MYRIP: variants seen among roughly 807,000 people sequenced by gnomAD.
MYRIP encodes the protein myosin VIIA and Rab interacting protein.
MYRIP carries 49 observed loss-of-function variants against 98.0 expected under a neutral mutation model. The observed-to-expected ratio is 0.50, with a 90% CI of 0.40 to 0.63. The LOEUF is 0.63. Among genes scored for constraint, MYRIP ranks in the 30% least tolerant of loss-of-function variants. The probability of loss-of-function intolerance (pLI) is 0.00; values close to 1 mark genes in which losing one functional copy is unlikely to be tolerated. For synonymous variants in MYRIP, 404 were observed against 409.5 expected, an observed-to-expected ratio of 0.99 and a Z score of 0.16; for missense variants, 1,004 against 1,058.2, an observed-to-expected ratio of 0.95 and a Z score of 0.71.
At chr3:40,049,769 G>A (rs925197409) in intron 3 of MYRIP, among the ~76,000 whole-genome samples, 4 of 152,162 alleles carry the variant, frequency 2.6e-5, no homozygotes, top group Non-Finnish European at 1.5e-5. Flanking sequence ...GGTTGTGAAT[G>A]CAAAGGAAAA....
Position 40,150,985 on chromosome 3 carries a change from G to A in MYRIP, c.333-63G>A, listed in dbSNP as rs1950106200. The A allele has an allele frequency of 2.8e-6, 4 of 1,404,196 alleles. 1 individual carries two copies. The highest frequency in any genetic ancestry group is 3.8e-6 in the Non-Finnish European group (4 of 1,046,376). The allele number at this position is 1,404,196 out of a possible 1,614,324, so 87.0% of individuals were successfully genotyped here. On this transcript the variant is annotated intron_variant, in intron 3 of 16. Coordinates refer to ENST00000302541, the MANE Select transcript of MYRIP (RefSeq NM_015460.4). ...ATGGATGGAGCTGTGAAGCATTGCA[G>A]CAGTTTTGCAATTCACCATTTAATA...
At chr3:39,976,366 A>G (rs1488323836) in intron 2 of MYRIP, among the ~76,000 whole-genome samples, 1 of 152,222 alleles carries the variant, frequency 6.6e-6, no homozygotes, top group Non-Finnish European at 1.5e-5. Flanking sequence ...CACCAGTTAG[A>G]ATGGCGATCA....
At position 40,069,417 on chromosome 3, in the gene MYRIP, A is replaced by C. The variant is rs549885149; in HGVS notation, c.332+25146A>C. ...ATACTTTTTTTTTTTTTTGCTTTTT[A>C]AAGTGTGATATAATATACATAACAT... is the stretch of plus-strand genomic sequence containing the variant. On this transcript the variant is annotated intron_variant, in intron 3 of 16. Coordinates refer to ENST00000302541, the MANE Select transcript of MYRIP (RefSeq NM_015460.4). Among the ~76,000 whole-genome samples, 6 of 148,670 alleles carry C rather than the reference A, an allele frequency of 4.0e-5. 1 individual carries two copies. Among genetic ancestry groups the C allele is most frequent in the African/African-American group, 1.5e-4 (6 of 40,352 alleles).
chr3:40,161,552 T>A (rs1950396018), intron 4 of MYRIP, among the ~76,000 whole-genome samples: 1 of 152,162 alleles, frequency 6.6e-6, no homozygotes, highest in African/African-American at 2.4e-5. Context: ...TGGTCTTGCA[T>A]CTTATCCCTC....
At chr3:40,098,740 T>C (rs903494640) in intron 3 of MYRIP, among the ~76,000 whole-genome samples, 1 of 135,188 alleles carries the variant, frequency 7.4e-6, no homozygotes, top group Non-Finnish European at 1.6e-5. Context: ...GTCTCTCTCA[T>C]TGTGTGTGTG....
chr3:40,113,130 CAA>C (rs1949194929), intron 3 of MYRIP, among the ~76,000 whole-genome samples: 1 of 152,142 alleles, frequency 6.6e-6, no homozygotes, highest in African/African-American at 2.4e-5. Context: ...CAGAACAATG[CAA>C]AAGAAAATAA....
intron 1 of MYRIP, among the ~76,000 whole-genome samples, chr3:39,824,167 T>A (rs1438911963): frequency 2.0e-5 from 3 of 152,228 alleles, no homozygotes. Flanking sequence ...GTTGTAGATA[T>A]GTGGATTAAT....
intron 3 of MYRIP, among the ~76,000 whole-genome samples, chr3:40,076,589 G>T (rs933247829): frequency 2.6e-5 from 4 of 152,356 alleles, no homozygotes; most frequent in Non-Finnish European, 5.9e-5. Context: ...CTCTGAGAAG[G>T]GGAGGAGAGC....
At position 40,188,096 on chromosome 3, in the gene MYRIP, C is replaced by A. The variant is rs563489707; in HGVS notation, c.1028-1730C>A. ...AAAATAAAAATAACTCGATGTCCTG[C>A]CAGTCTGAGCTGCAGTCAGGCAGTG... On this transcript the variant is annotated intron_variant, in intron 9 of 16. Transcript: ENST00000302541. Among the ~76,000 whole-genome samples the A allele has an allele frequency of 2.0e-5, 3 of 152,298 alleles. No individual in the cohort carries two copies. In the East Asian group the frequency reaches 5.8e-4, roughly 29 times the overall value.
chr3:40,173,048 G>C, intron 8 of MYRIP: 1 of 152,192 alleles, frequency 6.6e-6, no homozygotes. Context: ...CGTGAACAGA[G>C]AGGTATGGGA....
intron 1 of MYRIP, among the ~76,000 whole-genome samples, chr3:39,855,621 C>T (rs1004148222): frequency 4.6e-5 from 7 of 152,068 alleles, no homozygotes; most frequent in Non-Finnish European, 1.5e-5. Context: ...GGGCAAGAGG[C>T]TGGTAGCTGG....
chr3:39,816,077 T>C lies in MYRIP; in HGVS notation c.-31+6161T>C, dbSNP rs1249160632. Among the ~76,000 whole-genome samples the C allele has an allele frequency of 2.2e-5, 3 of 139,056 alleles. No individual in the cohort carries two copies. The Admixed American group carries it at 2.2e-4, about 10-fold the overall frequency. The allele number at this position is 139,056 out of a possible 152,430, so 91.2% of individuals were successfully genotyped here. A position where few individuals can be genotyped will look rare whatever the true frequency, so the allele number is the denominator to read the frequency against. On this transcript the variant is annotated intron_variant, in intron 1 of 16. Transcript: ENST00000302541. ...ATATTGAATTTGCCTTTTCTTTTTT[T>C]CTTTTTTTTTTTGTTTTGTTTTGAG...
chr3:39,945,087 G>T (rs1944869509), intron 2 of MYRIP, among the ~76,000 whole-genome samples: 1 of 151,970 alleles, frequency 6.6e-6, no homozygotes, highest in South Asian at 2.1e-4. Flanking sequence ...CAAGAGGAAA[G>T]ACAGCCAAGG....
At chr3:39,816,229 C>T (rs1191509960) in intron 1 of MYRIP, among the ~76,000 whole-genome samples, 2 of 151,886 alleles carry the variant, frequency 1.3e-5, no homozygotes, top group East Asian at 1.9e-4. Context: ...CTACAGGCGC[C>T]GGCCACCACG....
chr3:40,105,948 G>C (rs191562521), intron 3 of MYRIP, among the ~76,000 whole-genome samples: 3 of 152,114 alleles, frequency 2.0e-5, no homozygotes, highest in Admixed American at 2.0e-4. Context: ...TGAGATTTGG[G>C]TGGGGACACA....
At chr3:39,930,575 T>C (rs1331493924) in intron 2 of MYRIP, among the ~76,000 whole-genome samples, 1 of 124,156 alleles carries the variant, frequency 8.1e-6, no homozygotes, top group Admixed American at 8.2e-5. Context: ...TGGTTGCTTA[T>C]GCTTATTTCT....
chr3:39,991,651 A>C (rs183601677), intron 2 of MYRIP, among the ~76,000 whole-genome samples: 1 of 152,132 alleles, frequency 6.6e-6, no homozygotes, highest in Non-Finnish European at 1.5e-5. Context: ...TCTTCCTGCT[A>C]TACTCTTTCC....
At chr3:39,878,981 A>T (rs528549488) in intron 1 of MYRIP, among the ~76,000 whole-genome samples, 2 of 151,718 alleles carry the variant, frequency 1.3e-5, no homozygotes, top group South Asian at 4.2e-4. Flanking sequence ...CAGGAGAATC[A>T]CTTGAACCTG....
chr3:40,153,584 A>G (rs563621336), intron 4 of MYRIP, among the ~76,000 whole-genome samples: 3 of 152,328 alleles, frequency 2.0e-5, no homozygotes, highest in South Asian at 4.1e-4. Flanking sequence ...TCCAGTATAC[A>G]TATTTTTAAA....
Sources: gnomAD v4.1 joint callset for allele counts (sites outside exome capture counted in the v4.1 genomes callset) on GRCh38, gnomAD v4.1.1 for gene constraint, MANE v1.5 for transcripts, NCBI Gene and HGNC (gene_info 2026-07-23, HGNC 2026-07-21) for gene names.